The following GALNT13 variants were observed in gnomAD, a reference collection of about 807,000 sequenced individuals.
GALNT13 encodes polypeptide N-acetylgalactosaminyltransferase 13.
A neutral mutation model predicts 64.2 loss-of-function variants in GALNT13; 28 were observed. That is an observed-to-expected ratio of 0.44 (90% CI 0.32 to 0.60). The LOEUF (loss-of-function observed/expected upper bound fraction) is 0.60, where lower values mean the gene tolerates loss of function less well. Among genes scored for constraint, GALNT13 ranks in the 20% least tolerant of loss-of-function variants. The pLI is 0.05. For synonymous variants in GALNT13, 214 were observed against 224.6 expected (o/e 0.95, Z 0.42); for missense variants, 577 against 669.8 (o/e 0.86, Z 1.53).
the GALNT13 span, among the ~76,000 whole-genome samples, chr2:153,409,133 T>A: frequency 6.6e-6 from 1 of 152,070 alleles, no homozygotes; most frequent in South Asian, 2.1e-4. Context: ...GCATTGTCCA[T>A]TGCCTGCTTC....
the GALNT13 span, among the ~76,000 whole-genome samples, chr2:153,689,647 T>C: frequency 1.3e-5 from 2 of 152,114 alleles, no homozygotes; most frequent in Non-Finnish European, 2.9e-5. Context: ...CTTTTAAATA[T>C]GTGATTCCAA....
chr2:154,303,839 A>G (rs1385426818), intron 9 of GALNT13, among the ~76,000 whole-genome samples: 4 of 151,762 alleles, frequency 2.6e-5, no homozygotes, highest in Non-Finnish European at 5.9e-5. Context: ...GCTCACTGCA[A>G]ACTCTGCCTC....
At chr2:153,656,339 T>TGTGTGTGTGTGC in the GALNT13 span, among the ~76,000 whole-genome samples, 2,884 of 141,468 alleles carry the variant, frequency 0.02, 27 homozygotes, top group Non-Finnish European at 0.028. Flanking sequence ...TGTGTGTGTG[T>TGTGTGTGTGTGC]GCGCGCGCAC....
intron 11 of GALNT13, among the ~76,000 whole-genome samples, chr2:154,422,009 G>C (rs187674416): frequency 6.6e-6 from 1 of 152,122 alleles, no homozygotes; most frequent in Non-Finnish European, 1.5e-5. Flanking sequence ...AGCACTCAGC[G>C]TGCACAGAGA....
the GALNT13 span, among the ~76,000 whole-genome samples, chr2:153,380,750 T>C: frequency 7.2e-5 from 11 of 152,274 alleles, no homozygotes; most frequent in Admixed American, 6.5e-4. Context: ...TGGGGAATCA[T>C]TGAAGAATGT....
chr2:154,088,332 C>T (rs1238034610), intron 3 of GALNT13, among the ~76,000 whole-genome samples: 16 of 152,144 alleles, frequency 1.1e-4, no homozygotes. Context: ...ATTAATCCTA[C>T]TTAAACTCTC....
chr2:154,174,012 CA>C, intron 4 of GALNT13, among the ~76,000 whole-genome samples: 1 of 152,206 alleles, frequency 6.6e-6, no homozygotes, highest in African/African-American at 2.4e-5. Context: ...GGAAAACCAG[CA>C]TATGATCCAG....
At chr2:154,239,187 G>A (rs1689349274) in intron 4 of GALNT13, among the ~76,000 whole-genome samples, 2 of 152,042 alleles carry the variant, frequency 1.3e-5, no homozygotes. Flanking sequence ...TAATCACAAA[G>A]TAAAGCTTGG....
the GALNT13 span, among the ~76,000 whole-genome samples, chr2:153,277,147 C>T: frequency 3.3e-5 from 5 of 152,184 alleles, no homozygotes; most frequent in South Asian, 4.2e-4. Context: ...CAATTGATCC[C>T]GTCACCTAGT....
At chr2:154,434,621 A>C (rs1700862559) in intron 11 of GALNT13, among the ~76,000 whole-genome samples, 1 of 152,144 alleles carries the variant, frequency 6.6e-6, no homozygotes, top group Non-Finnish European at 1.5e-5. Context: ...AGCTGAGATT[A>C]AAAGAGTTGA....
chr2:154,181,753 T>G (rs1367639038), intron 4 of GALNT13, among the ~76,000 whole-genome samples: 1 of 152,020 alleles, frequency 6.6e-6, no homozygotes, highest in East Asian at 1.9e-4. Flanking sequence ...CTCAAAGTAT[T>G]TTTTCATACT....
At chr2:153,196,546 G>GAGAGTGC in the GALNT13 span, among the ~76,000 whole-genome samples, 1 of 152,182 alleles carries the variant, frequency 6.6e-6, no homozygotes, top group East Asian at 1.9e-4. Flanking sequence ...CTGGGCCCCC[G>GAGAGTGC]AGAGTGCAGA....
the GALNT13 span, among the ~76,000 whole-genome samples, chr2:153,335,266 G>C: frequency 6.6e-6 from 1 of 152,194 alleles, no homozygotes; most frequent in East Asian, 1.9e-4. Flanking sequence ...ATAGATACCT[G>C]AAAATGTAGA....
At chr2:153,095,906 G>A in the GALNT13 span, among the ~76,000 whole-genome samples, 1 of 152,188 alleles carries the variant, frequency 6.6e-6, no homozygotes, top group Non-Finnish European at 1.5e-5. Context: ...GGAGCGGGGA[G>A]GGATAGCATT....
At position 154,385,472 on chromosome 2, in the gene GALNT13, G is replaced by C. The variant is rs546719932; in HGVS notation, c.1157-10519G>C. 4.6e-5 allele frequency among the ~76,000 whole-genome samples: 7 copies of C among 151,982 alleles called. No homozygotes were observed. The South Asian group carries it at 1.5e-3, about 31-fold the overall frequency. On this transcript the variant is annotated intron_variant, in intron 9 of 12. Transcript: ENST00000392825. ...ACCCATTCTAGTAGAGTGAACAAGA[G>C]CATGGATTTTGATATTAGATAAAAG...
the GALNT13 span, among the ~76,000 whole-genome samples, chr2:153,206,832 A>C: frequency 6.6e-6 from 1 of 152,208 alleles, no homozygotes; most frequent in African/African-American, 2.4e-5. Flanking sequence ...TGTTATAGAA[A>C]GTTTTAAGCA....
chr2:153,160,635 G>A, the GALNT13 span, among the ~76,000 whole-genome samples: 13 of 152,176 alleles, frequency 8.5e-5, no homozygotes, highest in Non-Finnish European at 1.6e-4. Flanking sequence ...AAAGAGAGAA[G>A]CATGTGTCCA....
chr2:154,040,819 A>G (rs1698931823), intron 3 of GALNT13, among the ~76,000 whole-genome samples: 1 of 140,350 alleles, frequency 7.1e-6, no homozygotes, highest in Non-Finnish European at 1.6e-5. Flanking sequence ...GGCAAAGGTA[A>G]AAATACTTTT....
intron 3 of GALNT13, among the ~76,000 whole-genome samples, chr2:154,127,083 T>TA (rs530161551): frequency 8.6e-5 from 13 of 152,012 alleles, no homozygotes; most frequent in South Asian, 2.1e-4. Flanking sequence ...CTATAAAATT[T>TA]AAAAAAAAGT....
Sources: gnomAD v4.1 joint callset for allele counts (sites outside exome capture counted in the v4.1 genomes callset) on GRCh38, gnomAD v4.1.1 for gene constraint, MANE v1.5 for transcripts, NCBI Gene and HGNC (gene_info 2026-07-23, HGNC 2026-07-21) for gene names.